AGMO: variants seen among roughly 807,000 people sequenced by gnomAD.
AGMO encodes the protein alkylglycerol monooxygenase.
A neutral mutation model predicts 60.2 loss-of-function variants in AGMO; 75 were observed. The observed-to-expected ratio is 1.25, with a 90% CI of 1.03 to 1.51. The LOEUF is 1.51. AGMO is among the 40% of genes most tolerant of loss of function. The probability of loss-of-function intolerance (pLI) is 0.00; values close to 1 mark genes in which losing one functional copy is unlikely to be tolerated. For synonymous variants in AGMO, 261 were observed against 177.1 expected, an observed-to-expected ratio of 1.47 and a Z score of -3.76; for missense variants, 763 against 525.5, an observed-to-expected ratio of 1.45 and a Z score of -4.42.
At chr7:15,187,383 C>T in the AGMO span, among the ~76,000 whole-genome samples, 11 of 152,172 alleles carry the variant, frequency 7.2e-5, no homozygotes, top group African/African-American at 2.2e-4. Context: ...AGGAAAATAA[C>T]GATTTGCATT....
rs1784048828 is a variant in AGMO at position 15,389,342 on chromosome 7, C to G, written c.822+1329G>C. On this transcript the variant is annotated intron_variant, in intron 8 of 12. Transcript: ENST00000342526. ...AATGACTGCAATAAGGAGACAACTC[C>G]TATATGAAGAAAAGGGAGCTTTCAG... is the stretch of plus-strand genomic sequence containing the variant. 2.0e-5 allele frequency among the ~76,000 whole-genome samples: 3 copies of G among 152,174 alleles called. 1 individual carries two copies. The South Asian group carries it at 6.2e-4, about 32-fold the overall frequency.
At chr7:15,414,916 G>A (rs371313188) in intron 5 of AGMO, among the ~76,000 whole-genome samples, 8 of 152,046 alleles carry the variant, frequency 5.3e-5, no homozygotes, top group African/African-American at 1.9e-4. Flanking sequence ...TATAATAAAT[G>A]GGGCTATAGT....
chr7:15,342,949 T>C (rs1484658275), intron 12 of AGMO, among the ~76,000 whole-genome samples: 2 of 152,144 alleles, frequency 1.3e-5, no homozygotes, highest in East Asian at 1.9e-4. Flanking sequence ...AATGAAAATG[T>C]ATACTTAGAA....
chr7:15,406,053 G>A (rs1025762782), intron 5 of AGMO, among the ~76,000 whole-genome samples: 3 of 151,618 alleles, frequency 2.0e-5, no homozygotes, highest in Non-Finnish European at 4.4e-5. Context: ...TGAAATTTTA[G>A]ACAGTCCAGC....
chr7:15,130,101 T>C, the AGMO span, among the ~76,000 whole-genome samples: 1 of 152,154 alleles, frequency 6.6e-6, no homozygotes, highest in Non-Finnish European at 1.5e-5. Flanking sequence ...ATTGGGCATA[T>C]GAATCAAACT....
At chr7:15,239,675 T>G (rs1782532229) in intron 12 of AGMO, among the ~76,000 whole-genome samples, 1 of 152,128 alleles carries the variant, frequency 6.6e-6, no homozygotes, top group East Asian at 1.9e-4. Context: ...AGTAAGCCAA[T>G]GAGGATAATT....
chr7:15,147,020 A>G, the AGMO span, among the ~76,000 whole-genome samples: 1 of 152,158 alleles, frequency 6.6e-6, no homozygotes, highest in African/African-American at 2.4e-5. Context: ...ACAAAAAACA[A>G]AAAAACCCAC....
At chr7:15,437,917 G>A (rs892983859) in intron 3 of AGMO, among the ~76,000 whole-genome samples, 2 of 152,122 alleles carry the variant, frequency 1.3e-5, no homozygotes, top group Non-Finnish European at 2.9e-5. Context: ...CTTTAGGATG[G>A]AGCTAAAACT....
At chr7:15,528,358 T>C (rs1239396979) in intron 3 of AGMO, among the ~76,000 whole-genome samples, 1 of 152,150 alleles carries the variant, frequency 6.6e-6, no homozygotes, top group East Asian at 1.9e-4. Flanking sequence ...GATTGCGATA[T>C]TCACTTTATC....
chr7:15,404,878 C>G (rs1014968776), intron 5 of AGMO, among the ~76,000 whole-genome samples: 2 of 151,828 alleles, frequency 1.3e-5, no homozygotes, highest in African/African-American at 4.8e-5. Context: ...AAATACGAAT[C>G]TACATTTTAG....
In AGMO at chr7:15,352,431, T is replaced by C. The variant is rs544154375; in HGVS notation, c.1263+13083A>G. On this transcript the variant is annotated intron_variant, in intron 12 of 12. Transcript: ENST00000342526. ...CCTCATCAAGGGCAGACATTTCTAA[T>C]TGATTCCAGAAGTATGTTTTTTTTT... Among the ~76,000 whole-genome samples the C allele has an allele frequency of 4.6e-4, 70 of 151,886 alleles. 1 individual carries two copies. The South Asian group carries it at 0.014, about 31-fold the overall frequency.
chr7:15,505,357 A>C (rs1166901708), intron 3 of AGMO, among the ~76,000 whole-genome samples: 1 of 151,936 alleles, frequency 6.6e-6, no homozygotes, highest in Non-Finnish European at 1.5e-5. Context: ...GTATTCATGT[A>C]AGAGAATCCA....
intron 3 of AGMO, among the ~76,000 whole-genome samples, chr7:15,475,720 T>C (rs965412975): frequency 2.0e-5 from 3 of 152,016 alleles, no homozygotes; most frequent in African/African-American, 7.2e-5. Context: ...AATTTAGATT[T>C]ATTAAATGTA....
At chr7:15,199,433 A>G (rs1384320758), downstream of AGMO, among the ~76,000 whole-genome samples, 1 of 152,208 alleles carries the variant, frequency 6.6e-6, no homozygotes, top group Non-Finnish European at 1.5e-5. Flanking sequence ...ACTCATTTTT[A>G]GGCTAATCCT....
intron 3 of AGMO, among the ~76,000 whole-genome samples, chr7:15,437,583 C>T (rs915472192): frequency 7.6e-5 from 11 of 145,044 alleles, no homozygotes; most frequent in Admixed American, 1.4e-4. Context: ...CGCCCAGGCT[C>T]GAGTGCAGTG....
the AGMO span, among the ~76,000 whole-genome samples, chr7:15,178,319 G>T: frequency 6.6e-6 from 1 of 152,238 alleles, no homozygotes; most frequent in African/African-American, 2.4e-5. Flanking sequence ...AGAATTCTAG[G>T]TTAAACTTTC....
chr7:15,244,607 A>G (rs1264340271), intron 12 of AGMO, among the ~76,000 whole-genome samples: 2 of 151,974 alleles, frequency 1.3e-5, no homozygotes, highest in Non-Finnish European at 2.9e-5. Context: ...TGACTTAATC[A>G]AAGACAATAA....
chr7:15,489,917 C>T (rs1038727428), intron 3 of AGMO, among the ~76,000 whole-genome samples: 7 of 152,004 alleles, frequency 4.6e-5, no homozygotes, highest in South Asian at 2.1e-4. Context: ...CAAAATGCAA[C>T]GTAGATAATT....
At chr7:15,144,816 CTTTTT>C in the AGMO span, among the ~76,000 whole-genome samples, 1 of 152,002 alleles carries the variant, frequency 6.6e-6, no homozygotes, top group East Asian at 1.9e-4. Context: ...CGTAACTTTT[CTTTTT>C]GTTTGTTTGT....
Sources: gnomAD v4.1 joint callset for allele counts (sites outside exome capture counted in the v4.1 genomes callset) on GRCh38, gnomAD v4.1.1 for gene constraint, MANE v1.5 for transcripts, NCBI Gene and HGNC (gene_info 2026-07-23, HGNC 2026-07-21) for gene names.